The following ZFYVE26 variants were observed in gnomAD, a reference collection of about 807,000 sequenced individuals.
The protein encoded by ZFYVE26 is zinc finger FYVE-type containing 26, also known as zinc finger FYVE domain-containing protein 26.
ZFYVE26 carries 181 observed loss-of-function variants against 276.5 expected under a neutral mutation model. That is an observed-to-expected ratio of 0.65 (90% CI 0.58 to 0.74). The LOEUF is 0.74. ZFYVE26 is among the 30% of genes least tolerant of loss of function. ZFYVE26 has a pLI of 0.00. For missense variants in ZFYVE26, 2,821 were observed against 3,097.9 expected, an observed-to-expected ratio of 0.91 and a Z score of 2.12; for synonymous variants, 1,129 against 1,203.1, an observed-to-expected ratio of 0.94 and a Z score of 1.27.
chr14:67,769,783 G>A, intron 28 of ZFYVE26, 53 bp from the exon 29 acceptor site: 1 of 1,611,336 alleles, frequency 6.2e-7, no homozygotes, highest in Admixed American at 1.7e-5. Context: ...AGGGGAGATT[G>A]CCATCAATCC....
In ZFYVE26 at chr14:67,747,823, G is replaced by C. The variant is rs1442361126; in HGVS notation, c.*613C>G. The C allele has an allele frequency of 6.4e-6, 1 of 156,382 alleles. No individual in the cohort carries two copies. Among genetic ancestry groups the C allele is most frequent in the African/African-American group, 2.4e-5 (1 of 41,410 alleles). The allele number at this position is 156,382 out of a possible 1,614,324, so 9.7% of individuals were successfully genotyped here. On this transcript the variant is annotated 3_prime_UTR_variant, in exon 42 of 42. Transcript: ENST00000347230. ...CCTTCCAAAGACTCCAGGACTTCTTGTGCTTGGGAGAAGAGACACCTGGAA... is the reference window on the plus strand; with the variant it reads ...CCTTCCAAAGACTCCAGGACTTCTTCTGCTTGGGAGAAGAGACACCTGGAA...
At chr14:67,735,960 C>T (rs1001991557) in intron 13 of ZFYVE26, among the ~76,000 whole-genome samples, 2 of 152,212 alleles carry the variant, frequency 1.3e-5, no homozygotes, top group African/African-American at 2.4e-5. Flanking sequence ...AACTCAACTT[C>T]GTATACAATG....
At chr14:67,782,541 A>G (rs1206776159) in intron 21 of ZFYVE26, among the ~76,000 whole-genome samples, 2 of 152,158 alleles carry the variant, frequency 1.3e-5, no homozygotes, top group Non-Finnish European at 2.9e-5. Flanking sequence ...TACAGTATTG[A>G]GAATACTGGT....
At position 67,757,640 on chromosome 14, in the gene ZFYVE26, G is replaced by GTCTTTCTTTCTTTCTTTCTT. The variant is rs57285258; in HGVS notation, c.6589-1515_6589-1496dup. On this transcript the variant is annotated intron_variant, in intron 35 of 41. Transcript: ENST00000347230. ...TTCCTACTATGGGGCAGATATTTTT[G>GTCTTTCTTTCTTTCTTTCTT]TCTTTCTTTCTTTCTTTCTTTCTTT... Among the ~76,000 whole-genome samples the GTCTTTCTTTCTTTCTTTCTT allele has an allele frequency of 1.6e-3, 244 of 149,010 alleles. 3 individuals carry two copies. The highest frequency in any genetic ancestry group is 9.6e-3 in the East Asian group (48 of 5,000).
chr14:67,744,962 G>A (rs1010016947), downstream of ZFYVE26, among the ~76,000 whole-genome samples: 4 of 152,092 alleles, frequency 2.6e-5, no homozygotes, highest in Admixed American at 1.3e-4. Flanking sequence ...TGGTATTTCT[G>A]GTTCTAGGTC....
At position 67,789,329 on chromosome 14, in the gene ZFYVE26, A is replaced by C; in HGVS notation, c.3019+6T>G. The C allele has an allele frequency of 2.5e-6, 4 of 1,613,970 alleles. No individual in the cohort carries two copies. The highest frequency in any genetic ancestry group is 3.4e-6 in the Non-Finnish European group (4 of 1,180,020). On this transcript the variant is annotated splice_donor_region_variant and intron_variant, in intron 16 of 41. Transcript: ENST00000347230. ...TGAAGGGATACAGCTAACACAGCAC[A>C]CTCACCCCGCCTTTCAAGGCTACTA...
rs899398434 is a variant in ZFYVE26, at chr14:67,746,887, T to A, written c.*1549A>T. The A allele has an allele frequency of 1.3e-5, 2 of 152,654 alleles. No individual in the cohort carries two copies. Among genetic ancestry groups the A allele is most frequent in the Admixed American group, 1.3e-4 (2 of 15,284 alleles). 9.5% of individuals were successfully genotyped at this position (152,654 alleles called of 1,614,324 possible). A position where few individuals can be genotyped will look rare whatever the true frequency, so the allele number is the denominator to read the frequency against. ...GACTCAAGGAAGGAAAAGCCAAACT[T>A]TAGCCCAAATGGGTCTAGTAGTTTC... On this transcript the variant is annotated 3_prime_UTR_variant, in exon 42 of 42. Transcript: ENST00000347230.
intron 41 of ZFYVE26, 112 bp downstream of exon 41, chr14:67,750,940 C>A (rs1307547900): frequency 7.4e-7 from 1 of 1,348,490 alleles, no homozygotes; most frequent in African/African-American, 1.4e-5. Context: ...AATACAGAAG[C>A]TGAGATACGG....
chr14:67,807,349 G>A lies in ZFYVE26; in HGVS notation c.886+49C>T, dbSNP rs2040201941. 5 of 1,609,806 alleles carry A rather than the reference G, an allele frequency of 3.1e-6. No homozygotes were observed. In the South Asian group the frequency reaches 5.5e-5, roughly 18 times the overall value. On this transcript the variant is annotated intron_variant, in intron 5 of 41. Coordinates refer to ENST00000347230, the MANE Select transcript of ZFYVE26 (RefSeq NM_015346.4). ...AGTCTAGAGCCTCCAGCAAGGCTGGGCATACTGGAATTACTGAAACTAAAG... is the reference window on the plus strand; with the variant it reads ...AGTCTAGAGCCTCCAGCAAGGCTGGACATACTGGAATTACTGAAACTAAAG...
chr14:67,780,408 C>T, intron 22 of ZFYVE26, 63 bp from the exon 23 acceptor site: 1 of 1,436,678 alleles, frequency 7.0e-7, no homozygotes. Flanking sequence ...GAACAAGTCA[C>T]TGGGCATGTC....
intron 10 of ZFYVE26, 39 bp from the exon 11 acceptor site, chr14:67,798,661 G>C (rs1250699035): frequency 6.2e-7 from 1 of 1,611,276 alleles, no homozygotes; most frequent in East Asian, 2.2e-5. Context: ...CAGAGAAAGA[G>C]AAGACAGAGA....
At chr14:67,738,993 C>T (rs1452704936) in intron 13 of ZFYVE26, among the ~76,000 whole-genome samples, 1 of 152,124 alleles carries the variant, frequency 6.6e-6, no homozygotes, top group Non-Finnish European at 1.5e-5. Flanking sequence ...GAAAGCAACC[C>T]AGGTGATTCT....
At chr14:67,793,537 G>A (rs1566889894) in intron 14 of ZFYVE26, 71 bp downstream of exon 14, 3 of 1,559,916 alleles carry the variant, frequency 1.9e-6, no homozygotes, top group Non-Finnish European at 2.6e-6. Flanking sequence ...AGGTGGCTCT[G>A]GTTGTACATG....
At chr14:67,737,083 CTTTTCTTTTT>C (rs2038360925) in intron 13 of ZFYVE26, among the ~76,000 whole-genome samples, 1 of 116,748 alleles carries the variant, frequency 8.6e-6, no homozygotes, top group Non-Finnish European at 1.8e-5. Flanking sequence ...ATTTCTTTTT[CTTTTCTTTTT>C]TTTTTTTTTT....
At chr14:67,770,005 CA>C in intron 28 of ZFYVE26, 1 of 491,518 alleles carries the variant, frequency 2.0e-6, no homozygotes, top group South Asian at 2.1e-5. Context: ...TGTGGAAAAA[CA>C]AGAAAAAGTA....
At chr14:67,806,515 C>A (rs1464092407) in intron 6 of ZFYVE26, 30 bp downstream of exon 6, 2 of 1,613,586 alleles carry the variant, frequency 1.2e-6, no homozygotes, top group Non-Finnish European at 1.7e-6. Flanking sequence ...CCCTGGGTAC[C>A]TCTGTGATGA....
chr14:67,786,343 A>G (rs918337960), intron 16 of ZFYVE26, 110 bp from the exon 17 acceptor site: 2 of 1,351,080 alleles, frequency 1.5e-6, no homozygotes, highest in African/African-American at 3.0e-5. Flanking sequence ...CTCCAATATT[A>G]AGGAGGAAAT....
At position 67,809,416 on chromosome 14, in the gene ZFYVE26, T is replaced by A. The variant is rs879522637; in HGVS notation, c.274-127A>T. On this transcript the variant is annotated intron_variant, in intron 3 of 41. Coordinates refer to ENST00000347230, the MANE Select transcript of ZFYVE26 (RefSeq NM_015346.4). ...CTCTAAGATGAAGCACTCTTTTTTT[T>A]TTTTTTTTTTTTTTTTTTTATTTTG... The A allele has an allele frequency of 0.012, 6,769 of 583,742 alleles. 249 individuals carry two copies. The highest frequency in any genetic ancestry group is 0.085 in the African/African-American group (3,992 of 46,970). The allele number at this position is 583,742 out of a possible 1,614,324, so 36.2% of individuals were successfully genotyped here.
At chr14:67,791,903 T>C (rs2039824085) in intron 14 of ZFYVE26, among the ~76,000 whole-genome samples, 1 of 151,426 alleles carries the variant, frequency 6.6e-6, no homozygotes, top group African/African-American at 2.4e-5. Flanking sequence ...CTATTAAAAA[T>C]ATAAAAATTA....
Sources: allele counts gnomAD v4.1 joint callset (sites outside exome capture counted in the v4.1 genomes callset), GRCh38; gene constraint gnomAD v4.1.1; transcripts MANE v1.5; gene names NCBI Gene and HGNC (gene_info 2026-07-23, HGNC 2026-07-21).